Variants in MTHFD1L observed in about 807,000 individuals in gnomAD.
The protein encoded by MTHFD1L is methylenetetrahydrofolate dehydrogenase (NADP+ dependent) 1 like.
A neutral mutation model predicts 119.5 loss-of-function variants in MTHFD1L; 81 were observed. The observed-to-expected ratio is 0.68, with a 90% CI of 0.57 to 0.82. The LOEUF is 0.82. Among genes scored for constraint, MTHFD1L ranks in the 40% least tolerant of loss-of-function variants. The pLI, the probability that MTHFD1L is intolerant of heterozygous loss-of-function variation, is 0.00. For missense variants in MTHFD1L, 1,125 were observed against 1,253.4 expected, an observed-to-expected ratio of 0.90 and a Z score of 1.55; for synonymous variants, 430 against 475.2, an observed-to-expected ratio of 0.90 and a Z score of 1.24.
At chr6:150,947,356 A>G (rs1189736009) in intron 15 of MTHFD1L, among the ~76,000 whole-genome samples, 1 of 151,246 alleles carries the variant, frequency 6.6e-6, no homozygotes, top group African/African-American at 2.4e-5. Flanking sequence ...CAGCCTCCCA[A>G]AGTGCTGGGA....
At chr6:151,024,595 G>T (rs1159454175) in intron 24 of MTHFD1L, among the ~76,000 whole-genome samples, 1 of 152,090 alleles carries the variant, frequency 6.6e-6, no homozygotes, top group African/African-American at 2.4e-5. Flanking sequence ...TTGGGAGACT[G>T]AGGCGGGCAG....
At chr6:151,046,088 G>A (rs1787965448) in intron 26 of MTHFD1L, among the ~76,000 whole-genome samples, 1 of 152,082 alleles carries the variant, frequency 6.6e-6, no homozygotes, top group South Asian at 2.1e-4. Flanking sequence ...TTTGTGTAGA[G>A]GATCTTCTCT....
rs141326221 is a variant in MTHFD1L at position 150,925,161 on chromosome 6, G to A, written c.1083-961G>A. On this transcript the variant is annotated intron_variant, in intron 10 of 27. Coordinates refer to ENST00000367321, the MANE Select transcript of MTHFD1L (RefSeq NM_015440.5). Reference sequence around the variant, plus strand: ...CACTGAGGGGGTTGATCTGCCCACCGCAAGGAGGCAGACCACAACAAAAAT... The same window carrying A: ...CACTGAGGGGGTTGATCTGCCCACCACAAGGAGGCAGACCACAACAAAAAT... Among the ~76,000 whole-genome samples the A allele has an allele frequency of 2.1e-4, 32 of 152,296 alleles. 1 individual carries two copies. The highest frequency in any genetic ancestry group is 3.4e-3 in the Middle Eastern group (1 of 294).
chr6:150,951,035 T>G lies in MTHFD1L; in HGVS notation c.1726+1902T>G, dbSNP rs924739641. On this transcript the variant is annotated intron_variant, in intron 16 of 27. Transcript: ENST00000367321. ...AAAATCTCCTTGGAAACTTTATGGT[T>G]TTTTTTTTGTTTTTTTTTTGAGACA... is the stretch of plus-strand genomic sequence containing the variant. 2.9e-5 allele frequency among the ~76,000 whole-genome samples: 4 copies of G among 136,096 alleles called. No individual in the cohort carries two copies. The East Asian group carries it at 6.0e-4, about 20-fold the overall frequency. 89.3% of individuals were successfully genotyped at this position (136,096 alleles called of 152,430 possible). A position where few individuals can be genotyped will look rare whatever the true frequency, so the allele number is the denominator to read the frequency against.
chr6:151,040,736 A>T (rs567908605), intron 26 of MTHFD1L, among the ~76,000 whole-genome samples: 10 of 152,322 alleles, frequency 6.6e-5, no homozygotes, highest in South Asian at 4.1e-4. Context: ...AATAAAAAAC[A>T]CAATATAATT....
chr6:151,046,692 A>G (rs1268260593), intron 26 of MTHFD1L, among the ~76,000 whole-genome samples: 1 of 152,006 alleles, frequency 6.6e-6, no homozygotes, highest in African/African-American at 2.4e-5. Flanking sequence ...TCTCTTAGTT[A>G]CACTTTTCTC....
chr6:150,960,215 T>C lies in MTHFD1L; in HGVS notation c.1804-60T>C, dbSNP rs927968364. 8 of 1,541,796 alleles carry C rather than the reference T, an allele frequency of 5.2e-6. No individual in the cohort carries two copies. The African/African-American group carries it at 1.1e-4, about 21-fold the overall frequency. ...TTCATGGCTGAAGTCCAGCTCCTTG[T>C]GGGAATGGCCATCCCACTGGCACTG... is the stretch of plus-strand genomic sequence containing the variant. On this transcript the variant is annotated intron_variant, in intron 17 of 27. Transcript: ENST00000367321.
At chr6:150,964,105 G>A (rs1303697307) in intron 18 of MTHFD1L, among the ~76,000 whole-genome samples, 1 of 152,200 alleles carries the variant, frequency 6.6e-6, no homozygotes, top group Admixed American at 6.5e-5. Context: ...GGAGGCAGAG[G>A]TTGCAGTGAG....
chr6:151,003,639 A>G (rs1239768033), intron 20 of MTHFD1L, among the ~76,000 whole-genome samples: 3 of 152,192 alleles, frequency 2.0e-5, no homozygotes, highest in Admixed American at 6.5e-5. Context: ...CTGTTTCTCC[A>G]CTAAATGAAG....
intron 26 of MTHFD1L, among the ~76,000 whole-genome samples, chr6:151,041,002 G>A (rs1787011507): frequency 1.3e-5 from 2 of 152,218 alleles, no homozygotes; most frequent in African/African-American, 4.8e-5. Flanking sequence ...AGCCCTCTGT[G>A]TCATTATCTG....
At chr6:150,992,175 C>G (rs577067433) in intron 20 of MTHFD1L, among the ~76,000 whole-genome samples, 1 of 151,164 alleles carries the variant, frequency 6.6e-6, no homozygotes, top group Non-Finnish European at 1.5e-5. Context: ...GCTCCCTCCC[C>G]AGGAAAGGAC....
At chr6:150,974,861 C>T (rs891711950) in intron 20 of MTHFD1L, among the ~76,000 whole-genome samples, 4 of 151,972 alleles carry the variant, frequency 2.6e-5, no homozygotes, top group Non-Finnish European at 4.4e-5. Context: ...CTCAGCCTCC[C>T]GAGTAGCTGG....
chr6:150,989,857 T>C (rs1778815582), intron 20 of MTHFD1L, among the ~76,000 whole-genome samples: 1 of 152,238 alleles, frequency 6.6e-6, no homozygotes, highest in African/African-American at 2.4e-5. Flanking sequence ...ATTACTATAC[T>C]ATATCATGCC....
At chr6:150,915,237 A>G (rs1442157673) in intron 8 of MTHFD1L, among the ~76,000 whole-genome samples, 1 of 152,170 alleles carries the variant, frequency 6.6e-6, no homozygotes, top group Non-Finnish European at 1.5e-5. Flanking sequence ...CTTTCTTAAA[A>G]CACGAAATTT....
intron 27 of MTHFD1L, among the ~76,000 whole-genome samples, chr6:151,092,857 G>A (rs1473097078): frequency 6.6e-6 from 1 of 152,130 alleles, no homozygotes; most frequent in Non-Finnish European, 1.5e-5. Context: ...GAATATAGAT[G>A]TGTTTAGAGC....
At chr6:150,947,805 G>A (rs765796674) in intron 15 of MTHFD1L, among the ~76,000 whole-genome samples, 4 of 152,144 alleles carry the variant, frequency 2.6e-5, no homozygotes, top group Admixed American at 6.5e-5. Flanking sequence ...CCTGGCTAAC[G>A]CAGCCAGCAG....
rs139317104 is a variant in MTHFD1L, at chr6:150,937,371, G to A, written c.1393+431G>A. Reference sequence around the variant, plus strand: ...AGAGCTCTCTGGAGACGGACTGGCTGTGGACAGCGAGTCGTGATGAAATTC... The same window carrying A: ...AGAGCTCTCTGGAGACGGACTGGCTATGGACAGCGAGTCGTGATGAAATTC... On this transcript the variant is annotated intron_variant, in intron 12 of 27. Transcript: ENST00000367321. Among the ~76,000 whole-genome samples, 517 of 152,296 alleles carry A rather than the reference G, an allele frequency of 3.4e-3. 9 individuals are homozygous for A. The East Asian group carries it at 0.048, about 14-fold the overall frequency.
Position 151,015,536 on chromosome 6 carries a change from T to C in MTHFD1L, c.2429T>C (p.Ile810Thr), listed in dbSNP as rs752354150. ...ACTAGGACCGACACCCGCGCTGAGA[T>C]TGACTTGGTGTGTGAGCTTGCAAAG... ...NVFKTDTRAE[I>T]DLVCELAKRA... is the part of the protein sequence containing the mutation. The change falls in exon 24 of 28, where the codon ATT becomes ACT. Residue 810 changes from isoleucine to threonine, a missense_variant. Ile to Thr is a moderately conservative substitution (Grantham distance 89). Coordinates refer to ENST00000367321, the MANE Select transcript of MTHFD1L (RefSeq NM_015440.5). 5.6e-6 allele frequency: 9 copies of C among 1,612,948 alleles called. No homozygotes were observed. The Admixed American group carries it at 1.3e-4, about 24-fold the overall frequency.
chr6:151,014,820 G>T, intron 22 of MTHFD1L, 60 bp from the exon 23 acceptor site: 1 of 1,327,722 alleles, frequency 7.5e-7, no homozygotes, highest in Middle Eastern at 2.5e-4. Flanking sequence ...AGTTTAGCTT[G>T]GCAGGTTTGG....
Sources: gnomAD v4.1 joint callset for allele counts (sites outside exome capture counted in the v4.1 genomes callset) on GRCh38, gnomAD v4.1.1 for gene constraint, MANE v1.5 for transcripts, NCBI Gene and HGNC (gene_info 2026-07-23, HGNC 2026-07-21) for gene names.